Variants in ITGA8 observed in about 807,000 individuals in gnomAD.
ITGA8 encodes integrin alpha-8.
Under a neutral mutation model 142.3 loss-of-function variants are expected in ITGA8, and 91 were observed. That is an observed-to-expected ratio of 0.64 (90% CI 0.54 to 0.76). The LOEUF (loss-of-function observed/expected upper bound fraction) is 0.76. Ranked by LOEUF, ITGA8 falls within the 30% of genes least tolerant of loss-of-function variation. The pLI, the probability that ITGA8 is intolerant of heterozygous loss-of-function variation, is 0.00. For synonymous variants in ITGA8, 505 were observed against 485.2 expected (o/e 1.04, Z -0.54); for missense variants, 1,406 against 1,327.7 (o/e 1.06, Z -0.92).
intron 15 of ITGA8, among the ~76,000 whole-genome samples, chr10:15,610,504 A>T (rs199730766): frequency 1.3e-4 from 1 of 7,802 alleles, no homozygotes; most frequent in Non-Finnish European, 3.2e-4. Context: ...TGATTGGAAC[A>T]AAAAAACCCA....
chr10:15,556,147 C>T (rs1367976028), intron 26 of ITGA8, among the ~76,000 whole-genome samples: 1 of 149,114 alleles, frequency 6.7e-6, no homozygotes, highest in Non-Finnish European at 1.5e-5. Flanking sequence ...CTGCCTCAGT[C>T]TCCTGAGTAG....
At chr10:15,531,724 G>A (rs946879785) in intron 27 of ITGA8, among the ~76,000 whole-genome samples, 1 of 151,926 alleles carries the variant, frequency 6.6e-6, no homozygotes, top group East Asian at 1.9e-4. Flanking sequence ...GATCCCCTGA[G>A]GTCAGGAGTT....
intron 10 of ITGA8, among the ~76,000 whole-genome samples, chr10:15,657,509 CATTTT>C (rs1033010506): frequency 1.4e-4 from 16 of 116,526 alleles, no homozygotes; most frequent in South Asian, 5.9e-4. Flanking sequence ...TCTTTTCTTT[CATTTT>C]TTTTTTTTTT....
In ITGA8 at chr10:15,597,316, C is replaced by A; in HGVS notation, c.2119-17G>T. ...TCGAAATCCCTACAATTGCAAAGAA[C>A]AGGGGGTTTAGGGGGCAGGATAAAT... On this transcript the variant is annotated splice_polypyrimidine_tract_variant and intron_variant, in intron 20 of 29. Transcript: ENST00000378076. The A allele has an allele frequency of 6.2e-7, 1 of 1,604,004 alleles. No homozygotes were observed. Among genetic ancestry groups the A allele is most frequent in the Non-Finnish European group, 8.5e-7 (1 of 1,170,754 alleles).
chr10:15,537,421 G>A (rs987011014), intron 27 of ITGA8, among the ~76,000 whole-genome samples: 1 of 152,186 alleles, frequency 6.6e-6, no homozygotes, highest in Admixed American at 6.5e-5. Flanking sequence ...CATATCTCTG[G>A]AAGTGATGCT....
chr10:15,643,535 C>T (rs1026058608), intron 13 of ITGA8, among the ~76,000 whole-genome samples: 2 of 152,126 alleles, frequency 1.3e-5, no homozygotes, highest in African/African-American at 2.4e-5. Flanking sequence ...CCACCTCGGC[C>T]TCCTAAATAC....
At chr10:15,580,575 A>G (rs1200301518) in intron 23 of ITGA8, among the ~76,000 whole-genome samples, 4 of 152,200 alleles carry the variant, frequency 2.6e-5, no homozygotes, top group Admixed American at 2.6e-4. Context: ...AAAAAGGATA[A>G]TCATCAACAC....
chr10:15,521,746 A>T (rs1833075580), intron 28 of ITGA8, among the ~76,000 whole-genome samples: 1 of 152,244 alleles, frequency 6.6e-6, no homozygotes, highest in Non-Finnish European at 1.5e-5. Flanking sequence ...ACCACTGTTT[A>T]AGGATGAGAA....
intron 20 of ITGA8, among the ~76,000 whole-genome samples, chr10:15,599,217 T>C (rs555556699): frequency 9.8e-4 from 149 of 152,298 alleles, no homozygotes; most frequent in African/African-American, 3.4e-3. Flanking sequence ...CCTTTTTCTT[T>C]TTTTAGGCAT....
chr10:15,612,683 A>T (rs1197931535), intron 15 of ITGA8, among the ~76,000 whole-genome samples: 2 of 152,260 alleles, frequency 1.3e-5, no homozygotes, highest in Non-Finnish European at 2.9e-5. Flanking sequence ...CAAAGCCTCC[A>T]TCATCCAGCA....
intron 27 of ITGA8, among the ~76,000 whole-genome samples, chr10:15,541,260 G>T (rs1002845175): frequency 6.6e-6 from 1 of 152,140 alleles, no homozygotes; most frequent in Non-Finnish European, 1.5e-5. Flanking sequence ...ACCTGAAAAG[G>T]CAACATAGGG....
chr10:15,604,221 T>G lies in ITGA8; in HGVS notation c.2105A>C (p.Glu702Ala). 2 of 1,610,740 alleles carry G rather than the reference T, an allele frequency of 1.2e-6. No homozygotes were observed. The highest frequency in any genetic ancestry group is 3.4e-5 in the Admixed American group (2 of 59,262). ...TGCAGGCATTACCTTGTTGTTGCGT[T>G]CGATTCCAACATAATCTGCCTCTTC... ...IPEEADYVGI[E>A]RNNKGFRPLS... Residue 702 changes from glutamate to alanine, a missense_variant, in exon 20 of 30, where the codon GAA becomes GCA. Transcript: ENST00000378076.
intron 11 of ITGA8, among the ~76,000 whole-genome samples, chr10:15,650,195 A>G (rs1271994862): frequency 6.6e-6 from 1 of 152,206 alleles, no homozygotes; most frequent in East Asian, 1.9e-4. Flanking sequence ...TACCTGCTGT[A>G]TGATTCCAAC....
At chr10:15,605,278 A>G (rs975811314) in intron 19 of ITGA8, among the ~76,000 whole-genome samples, 2 of 152,104 alleles carry the variant, frequency 1.3e-5, no homozygotes, top group East Asian at 3.8e-4. Context: ...ATAGAGTGCT[A>G]TTTAGGTTTA....
chr10:15,518,237 G>A (rs1468402650), intron 29 of ITGA8, among the ~76,000 whole-genome samples: 2 of 152,320 alleles, frequency 1.3e-5, no homozygotes, highest in East Asian at 1.9e-4. Flanking sequence ...TGTTTCTCAT[G>A]TTGGAAGCCA....
At chr10:15,636,145 CT>C (rs1176354753) in intron 13 of ITGA8, among the ~76,000 whole-genome samples, 1 of 152,188 alleles carries the variant, frequency 6.6e-6, no homozygotes. Flanking sequence ...TGTACCGCCC[CT>C]CCTCCACCTT....
intron 21 of ITGA8, among the ~76,000 whole-genome samples, chr10:15,595,179 A>G (rs928111176): frequency 6.6e-6 from 1 of 152,194 alleles, no homozygotes; most frequent in Non-Finnish European, 1.5e-5. Context: ...ACTATCTTGA[A>G]TATTTTTTTT....
intron 9 of ITGA8, 136 bp downstream of exon 9, chr10:15,660,743 G>T: frequency 1.4e-6 from 1 of 691,788 alleles, no homozygotes; most frequent in Non-Finnish European, 2.5e-6. Context: ...TATGATGTTC[G>T]GTGGATTAGG....
intron 14 of ITGA8, among the ~76,000 whole-genome samples, chr10:15,614,475 C>G (rs1416021176): frequency 6.6e-6 from 1 of 152,074 alleles, no homozygotes. Context: ...AACAAACTCT[C>G]CAGGTGATTA....
Sources: gnomAD v4.1 joint callset for allele counts (sites outside exome capture counted in the v4.1 genomes callset) on GRCh38, gnomAD v4.1.1 for gene constraint, MANE v1.5 for transcripts, NCBI Gene and HGNC (gene_info 2026-07-23, HGNC 2026-07-21) for gene names.